The following BMPR1B variants were observed in gnomAD, a reference collection of about 807,000 sequenced individuals.
BMPR1B encodes the protein bone morphogenetic protein receptor type 1B.
BMPR1B carries 12 observed loss-of-function variants against 59.1 expected under a neutral mutation model. The ratio of observed to expected loss-of-function variants is 0.20; its 90% CI spans 0.13 to 0.33. The LOEUF is 0.33. BMPR1B is among the 10% of genes least tolerant of loss of function. The pLI is 1.00. For missense variants in BMPR1B, 550 were observed against 610.9 expected (o/e 0.90, Z 1.05); for synonymous variants, 237 against 207.3 (o/e 1.14, Z -1.23).
intron 1 of BMPR1B, among the ~76,000 whole-genome samples, chr4:94,800,995 A>G (rs982097826): frequency 2.0e-5 from 3 of 152,188 alleles, no homozygotes; most frequent in African/African-American, 7.2e-5. Context: ...TTACAGGATA[A>G]GGTGGGATTT....
At chr4:95,137,574 T>C (rs1031105320) in intron 10 of BMPR1B, among the ~76,000 whole-genome samples, 1 of 152,216 alleles carries the variant, frequency 6.6e-6, no homozygotes, top group African/African-American at 2.4e-5. Flanking sequence ...AAGGACTCGC[T>C]TTATGCATCT....
chr4:95,061,616 G>A (rs1727404164), intron 3 of BMPR1B, among the ~76,000 whole-genome samples: 1 of 152,198 alleles, frequency 6.6e-6, no homozygotes, highest in Admixed American at 6.5e-5. Flanking sequence ...CGAAGAAAAT[G>A]AAGCAGAAAG....
At chr4:94,875,387 T>G (rs182516596) in intron 1 of BMPR1B, among the ~76,000 whole-genome samples, 126 of 152,252 alleles carry the variant, frequency 8.3e-4, no homozygotes, top group Admixed American at 5.8e-3. Context: ...TCTTTTCAAT[T>G]AATAATAACA....
In BMPR1B at chr4:94,908,061, T is replaced by TAAAAAAAAAAAAAAAAAA. The variant is rs571793477; in HGVS notation, c.-113+32173_-113+32190dup. 8.4e-4 allele frequency among the ~76,000 whole-genome samples: 39 copies of TAAAAAAAAAAAAAAAAAA among 46,248 alleles called. 1 individual carries two copies. The highest frequency in any genetic ancestry group is 1.3e-3 in the African/African-American group (18 of 13,804). 30.3% of individuals were successfully genotyped at this position (46,248 alleles called of 152,430 possible). ...GGGCAATGCAGTGAGACCCTGTCTTTAAAAAAAAAAAAAAAAAAAAAAAAA... is the reference window on the plus strand; with the variant it reads ...GGGCAATGCAGTGAGACCCTGTCTTTAAAAAAAAAAAAAAAAAAAAAAAAAAAAAAAAAAAAAAAAAAA... On this transcript the variant is annotated intron_variant, in intron 2 of 12. Transcript: ENST00000515059.
chr4:94,880,638 T>A (rs1013358577), intron 2 of BMPR1B, among the ~76,000 whole-genome samples: 1 of 139,604 alleles, frequency 7.2e-6, no homozygotes, highest in Non-Finnish European at 1.5e-5. Flanking sequence ...AAAATGAATT[T>A]TTTTTTTTTT....
At chr4:95,108,717 G>T (rs757882981) in intron 4 of BMPR1B, among the ~76,000 whole-genome samples, 6 of 152,056 alleles carry the variant, frequency 3.9e-5, no homozygotes, top group Non-Finnish European at 7.4e-5. Flanking sequence ...AACATAGTGT[G>T]ACTGAATACA....
chr4:94,924,777 T>C (rs1450757398), intron 2 of BMPR1B, among the ~76,000 whole-genome samples: 1 of 152,186 alleles, frequency 6.6e-6, no homozygotes, highest in Non-Finnish European at 1.5e-5. Context: ...CACATATCAC[T>C]GAGGATGTGA....
intron 2 of BMPR1B, among the ~76,000 whole-genome samples, chr4:94,907,437 T>G (rs1728089270): frequency 6.6e-6 from 1 of 152,108 alleles, no homozygotes; most frequent in South Asian, 2.1e-4. Flanking sequence ...CTGTTCTATG[T>G]TAGGAGCTTT....
At chr4:95,108,606 A>G (rs1005867504) in intron 4 of BMPR1B, among the ~76,000 whole-genome samples, 1 of 152,058 alleles carries the variant, frequency 6.6e-6, no homozygotes, top group African/African-American at 2.4e-5. Context: ...CCAAGGCCAG[A>G]GTCATTCTTG....
At chr4:95,039,422 T>TTC (rs772751559) in intron 3 of BMPR1B, among the ~76,000 whole-genome samples, 437 of 15,414 alleles carry the variant, frequency 0.028, 5 homozygotes, top group Middle Eastern at 0.034. Context: ...TTACTTCTTC[T>TTC]TTTTTTTTTT....
chr4:94,777,890 G>A (rs1722438899), intron 1 of BMPR1B, among the ~76,000 whole-genome samples: 1 of 152,058 alleles, frequency 6.6e-6, no homozygotes, highest in Non-Finnish European at 1.5e-5. Context: ...GCTGGGCGTG[G>A]TGGCAGGCAC....
intron 4 of BMPR1B, among the ~76,000 whole-genome samples, chr4:95,108,865 G>C (rs1308955672): frequency 6.6e-6 from 1 of 152,022 alleles, no homozygotes; most frequent in African/African-American, 2.4e-5. Context: ...TCCATTTCCA[G>C]ATTCTACTCC....
At chr4:95,127,951 C>G (rs993729788) in intron 8 of BMPR1B, among the ~76,000 whole-genome samples, 10 of 151,272 alleles carry the variant, frequency 6.6e-5, no homozygotes, top group African/African-American at 9.7e-5. Context: ...GTGGTGCGAT[C>G]TTGTCTCATT....
At chr4:94,769,743 T>G in intron 1 of BMPR1B, among the ~76,000 whole-genome samples, 1 of 152,352 alleles carries the variant, frequency 6.6e-6, no homozygotes, top group Admixed American at 6.5e-5. Flanking sequence ...CAGTCTGTTA[T>G]TCTGTCTTTA....
chr4:95,096,745 CTATATATAGTTATATATAACTATGT>C (rs1560649900), intron 3 of BMPR1B, among the ~76,000 whole-genome samples: 21 of 16,856 alleles, frequency 1.2e-3, no homozygotes, highest in South Asian at 8.4e-3. Context: ...TTATATATAA[CTATATATAGTTATATATAACTATGT>C]ATAGTTATAT....
At chr4:95,098,743 G>T (rs1007589535) in intron 3 of BMPR1B, among the ~76,000 whole-genome samples, 1 of 151,940 alleles carries the variant, frequency 6.6e-6, no homozygotes, top group Non-Finnish European at 1.5e-5. Context: ...TTGAGACAGA[G>T]TCTCATTCTG....
intron 1 of BMPR1B, among the ~76,000 whole-genome samples, chr4:94,774,399 T>C (rs921779086): frequency 6.6e-6 from 1 of 152,074 alleles, no homozygotes; most frequent in African/African-American, 2.4e-5. Context: ...TTGTCCATAG[T>C]GAATGGATTA....
chr4:95,047,802 C>T (rs949113461), intron 3 of BMPR1B, among the ~76,000 whole-genome samples: 3 of 152,054 alleles, frequency 2.0e-5, no homozygotes, highest in Non-Finnish European at 4.4e-5. Context: ...AAAATAATTT[C>T]AACTTTTATT....
intron 2 of BMPR1B, among the ~76,000 whole-genome samples, chr4:94,991,440 T>C (rs1721754969): frequency 6.6e-6 from 1 of 152,176 alleles, no homozygotes; most frequent in Non-Finnish European, 1.5e-5. Flanking sequence ...CTATATTCTA[T>C]GGGGAAGACA....
Sources: gnomAD v4.1 joint callset for allele counts (sites outside exome capture counted in the v4.1 genomes callset) on GRCh38, gnomAD v4.1.1 for gene constraint, MANE v1.5 for transcripts, NCBI Gene and HGNC (gene_info 2026-07-23, HGNC 2026-07-21) for gene names.